The following CDH11 variants were observed in gnomAD, a reference collection of about 807,000 sequenced individuals.
CDH11 encodes cadherin-11.
Under a neutral mutation model 67.8 loss-of-function variants are expected in CDH11, and 11 were observed. The ratio of observed to expected loss-of-function variants is 0.16; its 90% confidence interval spans 0.10 to 0.27. The LOEUF (loss-of-function observed/expected upper bound fraction) is 0.27, where lower values mean the gene tolerates loss of function less well. Ranked by LOEUF, CDH11 falls within the 10% of genes least tolerant of loss-of-function variation. The pLI is 1.00. For missense variants in CDH11, 847 were observed against 1,031.2 expected (o/e 0.82, Z 2.45); for synonymous variants, 419 against 400.0 (o/e 1.05, Z -0.57).
At chr16:64,983,422 T>G (rs1042987351) in intron 7 of CDH11, among the ~76,000 whole-genome samples, 2 of 152,196 alleles carry the variant, frequency 1.3e-5, no homozygotes, top group Non-Finnish European at 2.9e-5. Flanking sequence ...GTTGCTGAAC[T>G]ACCAAATGTT....
rs1443096093 is a variant in CDH11, at chr16:64,948,074, C to T, written c.1920G>A (p.Leu640=). 4 of 1,613,830 alleles carry T rather than the reference C, an allele frequency of 2.5e-6. No individual in the cohort carries two copies. Residue 640 remains leucine (L), a synonymous_variant, in exon 13 of 13, where the codon CTG becomes CTA. Coordinates refer to ENST00000268603, the MANE Select transcript of CDH11 (RefSeq NM_001797.4). ...LLVIVVLFVT[L]RRQKKEPLIV... is the part of the protein sequence containing the mutation. The stretch of plus-strand genomic sequence containing the variant: ...TGAGTGGTTCTTTCTTTTGCCTTCT[C>T]AGGGTCACAAACAATACTACAATGA...
intron 8 of CDH11, 59 bp from the exon 9 acceptor site, chr16:64,973,099 A>G: frequency 6.7e-7 from 1 of 1,498,334 alleles, no homozygotes; most frequent in East Asian, 2.3e-5. Flanking sequence ...TTAATATTTG[A>G]ATATTTTCTC....
chr16:65,038,478 TTAAG>T (rs1471911083), intron 2 of CDH11, among the ~76,000 whole-genome samples: 1 of 152,186 alleles, frequency 6.6e-6, no homozygotes, highest in African/African-American at 2.4e-5. Context: ...AGATAATGAT[TTAAG>T]TGTCTTTAAT....
Position 64,944,606 on chromosome 16 carries a change from C to T in CDH11, c.*2997G>A. 1 of 232,138 alleles carries T rather than the reference C, an allele frequency of 4.3e-6. No individual in the cohort carries two copies. The highest frequency in any genetic ancestry group is 6.1e-5 in the East Asian group (1 of 16,470). 14.4% of individuals were successfully genotyped at this position (232,138 alleles called of 1,614,324 possible). A position where few individuals can be genotyped will look rare whatever the true frequency, so the allele number is the denominator to read the frequency against. On this transcript the variant is annotated 3_prime_UTR_variant, in exon 13 of 13. Transcript: ENST00000268603. ...TGACCCAGGAGCAGTTTCAAATACT[C>T]CTGACCTGGTTCCACCTGACATACA...
At chr16:64,970,699 A>G (rs1189240884) in intron 11 of CDH11, among the ~76,000 whole-genome samples, 1 of 152,208 alleles carries the variant, frequency 6.6e-6, no homozygotes, top group Admixed American at 6.5e-5. Flanking sequence ...AGGGAAAGCA[A>G]TCAACCTATG....
At chr16:65,033,064 G>A (rs191451567) in intron 2 of CDH11, among the ~76,000 whole-genome samples, 28 of 152,262 alleles carry the variant, frequency 1.8e-4, no homozygotes, top group Non-Finnish European at 3.5e-4. Context: ...TAACTGATGA[G>A]GTGACAGCAA....
chr16:64,959,316 C>T (rs1461058432), intron 11 of CDH11, among the ~76,000 whole-genome samples: 1 of 152,148 alleles, frequency 6.6e-6, no homozygotes, highest in Non-Finnish European at 1.5e-5. Flanking sequence ...TTCTTAAAAT[C>T]AACTCTGCTT....
In CDH11 at chr16:64,950,798, G is replaced by T. The variant is rs866544694; in HGVS notation, c.1863C>A (p.Ile621=). 2.5e-6 allele frequency: 4 copies of T among 1,614,088 alleles called. No homozygotes were observed. Among genetic ancestry groups the T allele is most frequent in the Non-Finnish European group, 3.4e-6 (4 of 1,179,986 alleles). The change falls in exon 12 of 13, where the codon ATC becomes ATA. Residue 621 remains isoleucine (I), a synonymous_variant. Coordinates refer to ENST00000268603, the MANE Select transcript of CDH11 (RefSeq NM_001797.4). ...LNAGLSTGAL[I]AILACIVILL... ...GAATGACGATGCAGGCGAGGATGGC[G>T]ATCAGGGCGCCTGTGCTCAGGCCGG...
At chr16:65,100,008 C>T (rs1226809910) in intron 1 of CDH11, among the ~76,000 whole-genome samples, 1 of 152,120 alleles carries the variant, frequency 6.6e-6, no homozygotes, top group African/African-American at 2.4e-5. Context: ...GGGCAGAAAA[C>T]TTTGACAATG....
At chr16:65,002,184 TG>T (rs2072936476) in intron 3 of CDH11, among the ~76,000 whole-genome samples, 1 of 152,346 alleles carries the variant, frequency 6.6e-6, no homozygotes, top group East Asian at 1.9e-4. Context: ...ACCTAGCTTT[TG>T]AAGGTCACAC....
chr16:65,045,357 A>ATCTATATC (rs1421780016), intron 2 of CDH11, among the ~76,000 whole-genome samples: 63 of 104,030 alleles, frequency 6.1e-4, no homozygotes, highest in Admixed American at 1.1e-3. Flanking sequence ...ATATATATAT[A>ATCTATATC]TATATATATA....
intron 1 of CDH11, among the ~76,000 whole-genome samples, chr16:65,102,440 G>A (rs1302308351): frequency 2.0e-5 from 3 of 152,202 alleles, no homozygotes; most frequent in Non-Finnish European, 4.4e-5. Flanking sequence ...ACCTGTGGAG[G>A]AAACTCTTAC....
At chr16:65,094,134 AG>A (rs2074842615) in intron 1 of CDH11, among the ~76,000 whole-genome samples, 1 of 152,212 alleles carries the variant, frequency 6.6e-6, no homozygotes, top group African/African-American at 2.4e-5. Context: ...ATTTAAACAA[AG>A]GGAAGTTTTA....
intron 1 of CDH11, chr16:65,094,754 A>G (rs895820693): frequency 6.6e-6 from 1 of 152,170 alleles, no homozygotes; most frequent in Admixed American, 6.5e-5. Context: ...AAGGGACTTA[A>G]AGGAGGAAAT....
chr16:64,956,386 T>C (rs2071511866), intron 11 of CDH11, among the ~76,000 whole-genome samples: 1 of 152,252 alleles, frequency 6.6e-6, no homozygotes, highest in East Asian at 1.9e-4. Context: ...GAGAAACTCA[T>C]TGGCAAAGGA....
intron 1 of CDH11, among the ~76,000 whole-genome samples, chr16:65,111,400 C>T (rs2075152990): frequency 6.6e-6 from 1 of 152,136 alleles, no homozygotes; most frequent in South Asian, 2.1e-4. Flanking sequence ...AAGCCTGACT[C>T]CAGAGCCTGT....
intron 11 of CDH11, among the ~76,000 whole-genome samples, chr16:64,967,520 T>C (rs1298198883): frequency 6.6e-6 from 1 of 152,154 alleles, no homozygotes; most frequent in Admixed American, 6.5e-5. Context: ...TAATTAGATA[T>C]TTGGCGAAGG....
At chr16:65,115,305 T>C (rs1200506772) in intron 1 of CDH11, among the ~76,000 whole-genome samples, 1 of 152,130 alleles carries the variant, frequency 6.6e-6, no homozygotes, top group East Asian at 1.9e-4. Flanking sequence ...ATGGATCACT[T>C]AAATTTACGA....
At chr16:65,093,196 C>T (rs2074823778) in intron 1 of CDH11, among the ~76,000 whole-genome samples, 2 of 150,266 alleles carry the variant, frequency 1.3e-5, no homozygotes, top group African/African-American at 4.9e-5. Context: ...CCTTGGCCTC[C>T]CAGTGTTGGG....
Sources: gnomAD v4.1 joint callset for allele counts (sites outside exome capture counted in the v4.1 genomes callset) on GRCh38, gnomAD v4.1.1 for gene constraint, MANE v1.5 for transcripts, NCBI Gene and HGNC (gene_info 2026-07-23, HGNC 2026-07-21) for gene names.